The following CHST8 variants were observed in gnomAD, a reference collection of about 807,000 sequenced individuals.
CHST8 encodes the protein carbohydrate sulfotransferase 8.
Under a neutral mutation model 15.0 loss-of-function variants are expected in CHST8, and 10 were observed. The ratio of observed to expected loss-of-function variants is 0.67; its 90% confidence interval spans 0.41 to 1.13. CHST8 has a LOEUF of 1.13. CHST8 is among the 50% of genes most tolerant of loss of function. CHST8 has a pLI of 0.00. For synonymous variants in CHST8, 259 were observed against 256.6 expected (o/e 1.01, Z -0.09); for missense variants, 634 against 608.2 (o/e 1.04, Z -0.45).
intron 3 of CHST8, among the ~76,000 whole-genome samples, chr19:33,731,534 C>T (rs1383568745): frequency 1.3e-5 from 2 of 152,176 alleles, no homozygotes; most frequent in African/African-American, 4.8e-5. Flanking sequence ...GTTTGGCCAG[C>T]TTCTTTACCA....
chr19:33,668,933 A>G (rs8109459), intron 2 of CHST8, among the ~76,000 whole-genome samples: 6,488 of 152,180 alleles, frequency 0.043, 439 homozygotes, highest in African/African-American at 0.15. Flanking sequence ...AGAAAGTTTG[A>G]TTTTTGTATT....
At chr19:33,697,211 CT>C (rs1973235987) in intron 3 of CHST8, among the ~76,000 whole-genome samples, 1 of 151,938 alleles carries the variant, frequency 6.6e-6, no homozygotes. Flanking sequence ...TTGTTTTTCT[CT>C]TCATTTAATG....
intron 3 of CHST8, among the ~76,000 whole-genome samples, chr19:33,713,544 C>G (rs973184582): frequency 6.6e-6 from 1 of 152,062 alleles, no homozygotes; most frequent in African/African-American, 2.4e-5. Flanking sequence ...ACTGGGGAGG[C>G]TGGCACTGGG....
chr19:33,690,973 A>G (rs968000274), intron 3 of CHST8, among the ~76,000 whole-genome samples: 6 of 152,170 alleles, frequency 3.9e-5, no homozygotes, highest in Non-Finnish European at 8.8e-5. Context: ...GGCGGCCAGT[A>G]CCCACATTCT....
intron 1 of CHST8, among the ~76,000 whole-genome samples, chr19:33,638,297 T>C (rs1219184580): frequency 1.3e-5 from 2 of 152,150 alleles, no homozygotes; most frequent in Admixed American, 1.3e-4. Context: ...CCTCCTCCCA[T>C]GGCAGTGTTA....
intron 3 of CHST8, among the ~76,000 whole-genome samples, chr19:33,699,826 TACAGTG>T (rs765693053): frequency 4.6e-5 from 7 of 152,146 alleles, no homozygotes; most frequent in Non-Finnish European, 1.0e-4. Context: ...GTCCAGCTCC[TACAGTG>T]ACTGTCATGT....
At chr19:33,663,388 G>A (rs911669256) in intron 1 of CHST8, among the ~76,000 whole-genome samples, 2 of 152,136 alleles carry the variant, frequency 1.3e-5, no homozygotes, top group Non-Finnish European at 2.9e-5. Context: ...AACATAGCAA[G>A]ACCCTGTCTC....
chr19:33,720,770 A>G (rs1599583276), intron 3 of CHST8, among the ~76,000 whole-genome samples: 1 of 151,978 alleles, frequency 6.6e-6, no homozygotes, highest in African/African-American at 2.4e-5. Context: ...GCAGGCCCCC[A>G]CTCCCCTATC....
intron 4 of CHST8, 26 bp downstream of exon 4, chr19:33,771,476 T>C (rs746392212): frequency 6.2e-7 from 1 of 1,612,182 alleles, no homozygotes; most frequent in Non-Finnish European, 8.5e-7. Flanking sequence ...CAGATAAATC[T>C]CAGTGCACAC....
intron 3 of CHST8, among the ~76,000 whole-genome samples, chr19:33,737,632 T>C (rs1009231429): frequency 6.6e-6 from 1 of 152,238 alleles, no homozygotes; most frequent in Non-Finnish European, 1.5e-5. Context: ...AACTGTGTCA[T>C]GGAAGCCACG....
intron 1 of CHST8, among the ~76,000 whole-genome samples, chr19:33,631,065 T>C (rs1972115490): frequency 6.6e-6 from 1 of 152,108 alleles, no homozygotes; most frequent in Non-Finnish European, 1.5e-5. Flanking sequence ...GTATGTGATA[T>C]AGGCAGGCTG....
chr19:33,641,789 G>C (rs2145201289), intron 1 of CHST8, among the ~76,000 whole-genome samples: 1 of 152,216 alleles, frequency 6.6e-6, no homozygotes, highest in South Asian at 2.1e-4. Context: ...GGGGCAGTGG[G>C]ACTCCCGCTG....
chr19:33,716,527 T>C (rs1410907065), intron 3 of CHST8, among the ~76,000 whole-genome samples: 3 of 152,150 alleles, frequency 2.0e-5, no homozygotes, highest in Non-Finnish European at 2.9e-5. Context: ...CCACCATGCC[T>C]GGCTAATTTT....
intron 2 of CHST8, among the ~76,000 whole-genome samples, chr19:33,671,069 A>G (rs1204471283): frequency 6.6e-6 from 1 of 152,034 alleles, no homozygotes; most frequent in Admixed American, 6.6e-5. Context: ...TTTCACTCAC[A>G]TATAACGAGC....
intron 1 of CHST8, among the ~76,000 whole-genome samples, chr19:33,622,865 G>T (rs2145427724): frequency 6.6e-6 from 1 of 152,278 alleles, no homozygotes; most frequent in Admixed American, 6.5e-5. Context: ...GCGAGTGTGC[G>T]TGCGTCAGCG....
intron 3 of CHST8, among the ~76,000 whole-genome samples, chr19:33,750,255 T>C (rs182108532): frequency 6.4e-4 from 97 of 152,298 alleles, no homozygotes; most frequent in African/African-American, 2.1e-3. Flanking sequence ...GTCCTATTAC[T>C]TGAGTAGGGT....
At chr19:33,758,927 G>A (rs79514522) in intron 3 of CHST8, among the ~76,000 whole-genome samples, 2 of 152,248 alleles carry the variant, frequency 1.3e-5, no homozygotes, top group Non-Finnish European at 2.9e-5. Context: ...CTTGGCGGGG[G>A]GGGGCGGTGC....
intron 1 of CHST8, among the ~76,000 whole-genome samples, chr19:33,632,139 CT>C (rs60403211): frequency 0.44 from 61,629 of 138,858 alleles, 14,260 homozygotes; most frequent in Middle Eastern, 0.55. Flanking sequence ...CTCTCTCTCT[CT>C]TTTTTTTTTT....
chr19:33,739,361 A>G (rs1974144105), intron 3 of CHST8, among the ~76,000 whole-genome samples: 1 of 152,084 alleles, frequency 6.6e-6, no homozygotes, highest in Non-Finnish European at 1.5e-5. Context: ...TGGAAGCCAT[A>G]AGCCATCCCT....
Sources: allele counts gnomAD v4.1 joint callset (sites outside exome capture counted in the v4.1 genomes callset), GRCh38; gene constraint gnomAD v4.1.1; transcripts MANE v1.5; gene names NCBI Gene and HGNC (gene_info 2026-07-23, HGNC 2026-07-21).